The following NRF1 variants were observed in gnomAD, a reference collection of about 807,000 sequenced individuals.
NRF1 encodes the protein nuclear respiratory factor 1, also known as alpha palindromic-binding protein.
NRF1 carries 5 observed loss-of-function variants against 58.5 expected under a neutral mutation model. The ratio of observed to expected loss-of-function variants is 0.09; its 90% CI spans 0.04 to 0.18. The LOEUF (loss-of-function observed/expected upper bound fraction) is 0.18. Among genes scored for constraint, NRF1 ranks in the 10% least tolerant of loss-of-function variants. The pLI, the probability that NRF1 is intolerant of heterozygous loss-of-function variation, is 1.00. For synonymous variants in NRF1, 224 were observed against 246.7 expected, an observed-to-expected ratio of 0.91 and a Z score of 0.86; for missense variants, 288 against 657.7, an observed-to-expected ratio of 0.44 and a Z score of 6.15.
chr7:129,744,942 T>TTCA (rs1316993860), intron 10 of NRF1, among the ~76,000 whole-genome samples: 1 of 149,908 alleles, frequency 6.7e-6, no homozygotes, highest in East Asian at 2.0e-4. Context: ...CACATGGGGG[T>TTCA]TCATTGTACT....
chr7:129,720,992 A>G (rs76689181), intron 9 of NRF1, among the ~76,000 whole-genome samples: 6,466 of 152,082 alleles, frequency 0.043, 167 homozygotes, highest in Middle Eastern at 0.12. Flanking sequence ...ATGTGTGTGT[A>G]TATACATACA....
At chr7:129,679,624 G>A (rs1173473563) in intron 4 of NRF1, among the ~76,000 whole-genome samples, 1 of 152,004 alleles carries the variant, frequency 6.6e-6, no homozygotes, top group African/African-American at 2.4e-5. Context: ...TCGGGAGGCT[G>A]AGGCAGAAGA....
intron 8 of NRF1, among the ~76,000 whole-genome samples, chr7:129,712,350 A>G (rs1803092550): frequency 6.6e-6 from 1 of 152,256 alleles, no homozygotes; most frequent in South Asian, 2.1e-4. Context: ...GGTGTGCTGA[A>G]GTTTGAAAAA....
At chr7:129,633,947 G>A (rs1356570795) in intron 1 of NRF1, among the ~76,000 whole-genome samples, 1 of 150,244 alleles carries the variant, frequency 6.7e-6, no homozygotes, top group Non-Finnish European at 1.5e-5. Context: ...GATTGGTGGA[G>A]CTCCTGACCA....
rs141747657 is a variant in NRF1 at position 129,749,012 on chromosome 7, C to G, written c.1349-6006C>G. On this transcript the variant is annotated intron_variant, in intron 10 of 10. Transcript: ENST00000393232. ...CTGGTGCCCGTGGTCTACCACAGTG[C>G]TCCCCTGGTGCCACCATCAGAGACA... Among the ~76,000 whole-genome samples the G allele has an allele frequency of 5.2e-3, 793 of 152,362 alleles. 1 individual carries two copies. The highest frequency in any genetic ancestry group is 8.2e-3 in the Non-Finnish European group (556 of 68,040).
intron 2 of NRF1, among the ~76,000 whole-genome samples, 199 bp from the exon 3 acceptor site, chr7:129,671,230 C>G (rs1802041028): frequency 6.6e-6 from 1 of 152,088 alleles, no homozygotes. Context: ...TTAAAAGATT[C>G]ATTGTATGTT....
At chr7:129,737,160 G>A (rs571532789) in intron 10 of NRF1, among the ~76,000 whole-genome samples, 26 of 152,290 alleles carry the variant, frequency 1.7e-4, no homozygotes, top group Middle Eastern at 3.4e-3. Context: ...TCTTTAAGAC[G>A]GATCCGAATG....
intron 2 of NRF1, among the ~76,000 whole-genome samples, chr7:129,670,251 T>C (rs1190556948): frequency 2.0e-5 from 3 of 152,212 alleles, no homozygotes; most frequent in African/African-American, 7.2e-5. Context: ...CCGTACAACA[T>C]TGGGCTTATA....
intron 10 of NRF1, among the ~76,000 whole-genome samples, chr7:129,753,868 G>A (rs1402755959): frequency 3.3e-5 from 5 of 152,226 alleles, no homozygotes; most frequent in Non-Finnish European, 4.4e-5. Flanking sequence ...GCACATAGAC[G>A]GAGCAGTGGC....
intron 10 of NRF1, among the ~76,000 whole-genome samples, chr7:129,751,758 T>C (rs2116326103): frequency 6.6e-6 from 1 of 152,402 alleles, no homozygotes; most frequent in East Asian, 1.9e-4. Flanking sequence ...CTTCTGGTTT[T>C]GCTTGCTACT....
intron 10 of NRF1, chr7:129,735,028 T>TAA: frequency 3.0e-6 from 3 of 984,782 alleles, no homozygotes; most frequent in Non-Finnish European, 3.6e-6. Context: ...TTTATTGGCT[T>TAA]ATTTGTTTCC....
At chr7:129,661,614 A>G (rs1801782292) in intron 2 of NRF1, among the ~76,000 whole-genome samples, 1 of 150,946 alleles carries the variant, frequency 6.6e-6, no homozygotes, top group South Asian at 2.1e-4. Flanking sequence ...TCCAGTTCCC[A>G]ACAAGTTTCT....
chr7:129,717,305 G>A lies in NRF1; in HGVS notation c.1152G>A (p.Ser384=), dbSNP rs767037669. The part of the protein sequence containing the change: ...QASEATQAVA[S]LAEAAVAASQ... ...CAGAGGCCACCCAGGCGGTGGCATC[G>A]TTGGCAGAGGCCGCAGTGGCAGCTT... The change falls in exon 9 of 11, where the codon TCG becomes TCA. Residue 384 remains serine, a synonymous_variant. Coordinates refer to ENST00000393232, the MANE Select transcript of NRF1 (RefSeq NM_005011.5). The A allele has an allele frequency of 6.8e-6, 11 of 1,613,980 alleles. No individual in the cohort carries two copies. The highest frequency in any genetic ancestry group is 4.5e-5 in the East Asian group (2 of 44,866).
chr7:129,729,281 C>T (rs1803524679), intron 10 of NRF1, among the ~76,000 whole-genome samples: 1 of 152,172 alleles, frequency 6.6e-6, no homozygotes, highest in Non-Finnish European at 1.5e-5. Flanking sequence ...AACCGTTCAG[C>T]CATACAATAA....
intron 9 of NRF1, among the ~76,000 whole-genome samples, chr7:129,722,716 A>G (rs1275305968): frequency 6.6e-6 from 1 of 152,194 alleles, no homozygotes; most frequent in Admixed American, 6.5e-5. Flanking sequence ...TAGGGCTTTA[A>G]GTGGAAATGA....
chr7:129,683,169 T>C (rs376212248), intron 4 of NRF1, among the ~76,000 whole-genome samples: 5 of 151,718 alleles, frequency 3.3e-5, no homozygotes, highest in East Asian at 2.0e-4. Context: ...TCCCAAAGCG[T>C]TGGGATTATA....
At position 129,727,237 on chromosome 7, in the gene NRF1, G is replaced by A. The variant is rs371367084; in HGVS notation, c.1224-4G>A. The stretch of plus-strand genomic sequence containing the variant: ...CATCCTCTCTCCTGTTCCTGTGCCC[G>A]CAGCGAAGCTGCCGCCCATGCTGTC... On this transcript the variant is annotated splice_region_variant and splice_polypyrimidine_tract_variant and intron_variant, in intron 9 of 10. Transcript: ENST00000393232. The A allele has an allele frequency of 2.3e-5, 36 of 1,586,806 alleles. No individual in the cohort carries two copies. Among genetic ancestry groups the A allele is most frequent in the African/African-American group, 9.6e-5 (7 of 72,878 alleles).
chr7:129,688,706 AAGAG>A (rs1285078050), intron 4 of NRF1, among the ~76,000 whole-genome samples: 4 of 151,956 alleles, frequency 2.6e-5, no homozygotes, highest in Non-Finnish European at 5.9e-5. Context: ...GAGAGAGACA[AAGAG>A]AGACAGGTGC....
At chr7:129,684,568 TC>T (rs1802402871) in intron 4 of NRF1, among the ~76,000 whole-genome samples, 2 of 152,238 alleles carry the variant, frequency 1.3e-5, no homozygotes, top group Non-Finnish European at 2.9e-5. Flanking sequence ...TTGGTTGACT[TC>T]TGTTAAACAT....
Sources: allele counts gnomAD v4.1 joint callset (sites outside exome capture counted in the v4.1 genomes callset), GRCh38; gene constraint gnomAD v4.1.1; transcripts MANE v1.5; gene names NCBI Gene and HGNC (gene_info 2026-07-23, HGNC 2026-07-21).